Variants in FHAD1 observed in about 807,000 individuals in gnomAD.
The protein encoded by FHAD1 is forkhead associated phosphopeptide binding domain 1.
In FHAD1, 146 loss-of-function variants were observed where a neutral mutation model predicts 191.3. That is an observed-to-expected ratio of 0.76 (90% CI 0.67 to 0.88). The LOEUF (loss-of-function observed/expected upper bound fraction) is 0.88, where lower values mean the gene tolerates loss of function less well. FHAD1 is among the 40% of genes least tolerant of loss of function. The pLI, the probability that FHAD1 is intolerant of heterozygous loss-of-function variation, is 0.00. For synonymous variants in FHAD1, 616 were observed against 672.3 expected, an observed-to-expected ratio of 0.92 and a Z score of 1.29; for missense variants, 1,635 against 1,785.8, an observed-to-expected ratio of 0.92 and a Z score of 1.52.
chr1:15,273,572 A>T (rs1657031902), intron 3 of FHAD1, among the ~76,000 whole-genome samples: 1 of 152,204 alleles, frequency 6.6e-6, no homozygotes, highest in Admixed American at 6.5e-5. Flanking sequence ...TAAGCGTACA[A>T]TTCAACACAT....
At chr1:15,322,496 G>A (rs191414354) in intron 10 of FHAD1, among the ~76,000 whole-genome samples, 1 of 152,346 alleles carries the variant, frequency 6.6e-6, no homozygotes, top group African/African-American at 2.4e-5. Flanking sequence ...GCAAAGCCAA[G>A]ATTGGGGGAA....
At chr1:15,367,705 C>A in intron 25 of FHAD1, 83 bp downstream of exon 25, 1 of 1,147,850 alleles carries the variant, frequency 8.7e-7, no homozygotes, top group Admixed American at 2.3e-5. Flanking sequence ...GGGCTCAGTA[C>A]ATGCTGCTTG....
At chr1:15,360,971 G>C (rs558612122) in intron 22 of FHAD1, among the ~76,000 whole-genome samples, 4 of 152,234 alleles carry the variant, frequency 2.6e-5, no homozygotes, top group Middle Eastern at 6.8e-3. Context: ...GGGCTGTCAG[G>C]GCCAGCGAGG....
chr1:15,254,914 C>T (rs895952905), intron 2 of FHAD1, among the ~76,000 whole-genome samples: 11 of 152,116 alleles, frequency 7.2e-5, no homozygotes, highest in Non-Finnish European at 1.2e-4. Context: ...AAGCTACAGG[C>T]ATGTCCATAT....
chr1:15,280,785 T>C (rs1182583812), intron 3 of FHAD1, among the ~76,000 whole-genome samples: 2 of 152,200 alleles, frequency 1.3e-5, no homozygotes, highest in African/African-American at 4.8e-5. Flanking sequence ...TCTCCTTAGA[T>C]TCTCTTTCCC....
At chr1:15,243,091 A>AAAATGATT (rs1406820012), upstream of FHAD1, among the ~76,000 whole-genome samples, 1 of 152,222 alleles carries the variant, frequency 6.6e-6, no homozygotes, top group East Asian at 1.9e-4. Context: ...CTGACTTTGA[A>AAAATGATT]AAATGATTTG....
At chr1:15,245,049 G>A (rs1216770762), upstream of FHAD1, among the ~76,000 whole-genome samples, 1 of 152,126 alleles carries the variant, frequency 6.6e-6, no homozygotes, top group African/African-American at 2.4e-5. Flanking sequence ...GCGAGGGGGA[G>A]GTGCCAGGCT....
At position 15,316,531 on chromosome 1, in the gene FHAD1, T is replaced by TGGTG; in HGVS notation, c.1260+67_1260+70dup. On this transcript the variant is annotated intron_variant, in intron 9 of 33. Transcript: ENST00000688493. The surrounding 1 kb of genome is among the most constrained non-coding windows in gnomAD (Gnocchi z 4.3). ...AAACAGAGTTTGACCTTGAGGTTCT[T>TGGTG]GGTGGGATCCTGGGCCATCACTAAG... The TGGTG allele has an allele frequency of 7.2e-7, 1 of 1,391,344 alleles. No individual in the cohort carries two copies. The highest frequency in any genetic ancestry group is 1.0e-6 in the Non-Finnish European group (1 of 1,004,440). 86.2% of individuals were successfully genotyped at this position (1,391,344 alleles called of 1,614,324 possible). A position where few individuals can be genotyped will look rare whatever the true frequency, so the allele number is the denominator to read the frequency against.
intron 5 of FHAD1, among the ~76,000 whole-genome samples, chr1:15,297,955 T>C (rs1248814371): frequency 6.6e-6 from 1 of 152,194 alleles, no homozygotes; most frequent in Non-Finnish European, 1.5e-5. Flanking sequence ...ACAGCCAATA[T>C]GGAAAACAGC....
chr1:15,401,133 C>T (rs552007159), downstream of FHAD1, among the ~76,000 whole-genome samples: 5 of 152,210 alleles, frequency 3.3e-5, no homozygotes, highest in Non-Finnish European at 7.3e-5. Flanking sequence ...TTGTAAACAA[C>T]AGATACCTCC....
At chr1:15,300,747 A>G (rs954979900) in intron 5 of FHAD1, among the ~76,000 whole-genome samples, 5 of 152,192 alleles carry the variant, frequency 3.3e-5, no homozygotes, top group Admixed American at 2.0e-4. Flanking sequence ...TCTTGTCTCT[A>G]TGAGTTGCCA....
At chr1:15,328,586 A>T (rs1679869644) in intron 13 of FHAD1, 157 bp downstream of exon 13, 3 of 640,560 alleles carry the variant, frequency 4.7e-6, no homozygotes, top group Non-Finnish European at 7.2e-6. Flanking sequence ...TTGGAGAAGA[A>T]AAAACAAAGG....
chr1:15,334,689 A>C (rs1254633174), intron 14 of FHAD1: 3 of 152,282 alleles, frequency 2.0e-5, no homozygotes, highest in Non-Finnish European at 4.4e-5. Flanking sequence ...TGTCATCGTC[A>C]GCCTCAAATA....
At chr1:15,319,985 C>G (rs1465818770) in intron 10 of FHAD1, among the ~76,000 whole-genome samples, 1 of 152,186 alleles carries the variant, frequency 6.6e-6, no homozygotes, top group Admixed American at 6.5e-5. Flanking sequence ...AAAATGCTCT[C>G]TGGGCTATCA....
downstream of FHAD1, among the ~76,000 whole-genome samples, chr1:15,402,636 G>A (rs1570747727): frequency 1.3e-5 from 2 of 152,110 alleles, no homozygotes; most frequent in African/African-American, 2.4e-5. Flanking sequence ...TATGCAAAGC[G>A]TGGTCCAGAC....
At chr1:15,288,299 C>G (rs942223193) in intron 3 of FHAD1, among the ~76,000 whole-genome samples, 1 of 152,240 alleles carries the variant, frequency 6.6e-6, no homozygotes, top group African/African-American at 2.4e-5. Flanking sequence ...CAGGGAGAAA[C>G]CACCACTAAA....
chr1:15,317,972 C>A, intron 10 of FHAD1, 44 bp downstream of exon 10: 1 of 1,256,494 alleles, frequency 8.0e-7, no homozygotes. Flanking sequence ...TGGGCGGTAG[C>A]TCCCCACTCA....
intron 15 of FHAD1, among the ~76,000 whole-genome samples, chr1:15,340,128 A>G (rs1235312945): frequency 1.3e-5 from 2 of 152,218 alleles, no homozygotes; most frequent in African/African-American, 4.8e-5. Flanking sequence ...ACCAGCCTTA[A>G]TGCCATCAGA....
chr1:15,321,231 C>A (rs1308484856), intron 10 of FHAD1, among the ~76,000 whole-genome samples: 1 of 152,186 alleles, frequency 6.6e-6, no homozygotes, highest in Admixed American at 6.6e-5. Context: ...AATGCCTGGG[C>A]GAGTTGACAG....
Sources: gnomAD v4.1 joint callset for allele counts (sites outside exome capture counted in the v4.1 genomes callset) on GRCh38, gnomAD v4.1.1 for gene constraint, Gnocchi (gnomAD v3.1) non-coding constraint, MANE v1.5 for transcripts, NCBI Gene and HGNC (gene_info 2026-07-23, HGNC 2026-07-21) for gene names.